FIRRM: variants seen among roughly 807,000 people sequenced by gnomAD.
The protein encoded by FIRRM is FIGNL1 interacting regulator of recombination and mitosis, also known as FIGNL1-interacting regulator of recombination and mitosis.
chr1:169,821,854 A>G, the FIRRM span: 1 of 779,510 alleles, frequency 1.3e-6, no homozygotes, highest in Admixed American at 2.8e-5. Context: ...TCAAGCTCAG[A>G]TAGCATATAA....
the FIRRM span, among the ~76,000 whole-genome samples, chr1:169,799,453 C>T: frequency 2.6e-5 from 4 of 152,182 alleles, no homozygotes; most frequent in African/African-American, 7.2e-5. Context: ...TTAGACTGCT[C>T]AGTTTACTCA....
chr1:169,822,530 C>T, the FIRRM span, among the ~76,000 whole-genome samples: 10 of 152,108 alleles, frequency 6.6e-5, no homozygotes, highest in South Asian at 4.1e-4. Context: ...GACAGAGTCT[C>T]GCTCTGTTGC....
At chr1:169,853,969 T>C in the FIRRM span, 1 of 642,184 alleles carries the variant, frequency 1.6e-6, no homozygotes, top group Non-Finnish European at 2.6e-6. Context: ...GAAAATAGCT[T>C]TTCAAAAACC....
At chr1:169,827,617 G>A in the FIRRM span, 144 of 1,384,038 alleles carry the variant, frequency 1.0e-4, no homozygotes, top group Non-Finnish European at 1.4e-4. Flanking sequence ...CAGGCTGGGT[G>A]ACAGAGTGAG....
the FIRRM span, among the ~76,000 whole-genome samples, chr1:169,834,823 A>C: frequency 6.6e-6 from 1 of 152,212 alleles, no homozygotes; most frequent in Non-Finnish European, 1.5e-5. Flanking sequence ...TATCTTAAGG[A>C]ACATAAAATC....
the FIRRM span, among the ~76,000 whole-genome samples, chr1:169,798,126 G>A: frequency 3.9e-5 from 6 of 152,208 alleles, no homozygotes; most frequent in South Asian, 1.2e-3. Flanking sequence ...ATAGAAATCG[G>A]AAGTACAAAC....
At chr1:169,801,496 C>T in the FIRRM span, among the ~76,000 whole-genome samples, 9,729 of 146,618 alleles carry the variant, frequency 0.066, 412 homozygotes, top group Non-Finnish European at 0.099. Context: ...TGTGTGGTTC[C>T]TTTACTAACT....
the FIRRM span, among the ~76,000 whole-genome samples, chr1:169,837,579 G>A: frequency 2.6e-5 from 4 of 152,156 alleles, no homozygotes; most frequent in Non-Finnish European, 5.9e-5. Context: ...TTAAAAGTTG[G>A]CTGGATATAG....
At chr1:169,795,316 A>T in the FIRRM span, 2 of 1,425,632 alleles carry the variant, frequency 1.4e-6, no homozygotes, top group Non-Finnish European at 1.9e-6. Flanking sequence ...GGGTTATATT[A>T]CCGCGGCCTG....
At chr1:169,790,646 A>T in the FIRRM span, among the ~76,000 whole-genome samples, 2 of 152,144 alleles carry the variant, frequency 1.3e-5, no homozygotes, top group African/African-American at 4.8e-5. Flanking sequence ...GGCCTCCTGG[A>T]TGAGACCTCA....
the FIRRM span, chr1:169,802,521 C>T: frequency 1.3e-6 from 1 of 747,588 alleles, no homozygotes. Context: ...GTTACTAGTG[C>T]AAAATCAAAT....
At chr1:169,828,367 A>G in the FIRRM span, among the ~76,000 whole-genome samples, 1 of 152,130 alleles carries the variant, frequency 6.6e-6, no homozygotes, top group Non-Finnish European at 1.5e-5. Context: ...ACTGAAACAT[A>G]ATGTTAGAAC....
the FIRRM span, among the ~76,000 whole-genome samples, chr1:169,841,345 G>A: frequency 3.9e-5 from 6 of 152,144 alleles, no homozygotes; most frequent in African/African-American, 1.4e-4. Flanking sequence ...TATTGAATTT[G>A]GTTTGCTAGT....
chr1:169,808,015 C>G, the FIRRM span: 1 of 1,273,500 alleles, frequency 7.9e-7, no homozygotes, highest in Non-Finnish European at 1.1e-6. Flanking sequence ...CTGGGTCAGT[C>G]TATTTAAGAG....
At chr1:169,837,635 T>G in the FIRRM span, among the ~76,000 whole-genome samples, 2 of 152,242 alleles carry the variant, frequency 1.3e-5, no homozygotes, top group African/African-American at 4.8e-5. Flanking sequence ...TGCTCATTCA[T>G]TCATTCAACA....
chr1:169,842,404 TTC>T, the FIRRM span: 1 of 1,608,964 alleles, frequency 6.2e-7, no homozygotes. Flanking sequence ...CCTTTCCTGT[TTC>T]TGTCCTTCAG....
the FIRRM span, chr1:169,842,335 T>A: frequency 7.0e-7 from 1 of 1,431,294 alleles, no homozygotes; most frequent in Non-Finnish European, 9.4e-7. Context: ...AAGTAACTTT[T>A]ATAACCTCTA....
the FIRRM span, chr1:169,830,279 T>C: frequency 1.2e-6 from 2 of 1,613,516 alleles, no homozygotes; most frequent in Non-Finnish European, 1.7e-6. Flanking sequence ...TGCTGAATGC[T>C]GTACTTAGTG....
At chr1:169,810,007 A>AT in the FIRRM span, among the ~76,000 whole-genome samples, 3 of 152,142 alleles carry the variant, frequency 2.0e-5, no homozygotes, top group African/African-American at 4.8e-5. Flanking sequence ...GCACCAGTAG[A>AT]TTTGGTGTCT....
Sources: allele counts gnomAD v4.1 joint callset (sites outside exome capture counted in the v4.1 genomes callset), GRCh38; gene constraint gnomAD v4.1.1; transcripts MANE v1.5; gene names NCBI Gene and HGNC (gene_info 2026-07-23, HGNC 2026-07-21).